Variants in NRXN3 observed in about 807,000 individuals in gnomAD.
NRXN3 encodes neurexin 3.
In NRXN3, 32 loss-of-function variants were observed where a neutral mutation model predicts 137.6. That is an observed-to-expected ratio of 0.23 (90% CI 0.18 to 0.31). NRXN3 has a LOEUF of 0.31. Among genes scored for constraint, NRXN3 ranks in the 10% least tolerant of loss-of-function variants. The pLI, the probability that NRXN3 is intolerant of heterozygous loss-of-function variation, is 1.00. For synonymous variants in NRXN3, 798 were observed against 784.5 expected, an observed-to-expected ratio of 1.02 and a Z score of -0.29; for missense variants, 1,574 against 2,062.5, an observed-to-expected ratio of 0.76 and a Z score of 4.59.
chr14:79,318,539 T>C (rs1056752262), intron 15 of NRXN3, among the ~76,000 whole-genome samples: 16 of 152,252 alleles, frequency 1.1e-4, no homozygotes, highest in African/African-American at 3.9e-4. Context: ...ACCAAGATTC[T>C]AGAACGAAGT....
intron 16 of NRXN3, chr14:79,611,301 A>G (rs2098095826): frequency 6.6e-6 from 1 of 152,246 alleles, no homozygotes; most frequent in Non-Finnish European, 1.5e-5. Context: ...AAAACTAACC[A>G]AAGAGACACG....
At chr14:79,535,773 A>C (rs960064126) in intron 16 of NRXN3, among the ~76,000 whole-genome samples, 11 of 151,988 alleles carry the variant, frequency 7.2e-5, no homozygotes, top group Non-Finnish European at 1.3e-4. Flanking sequence ...GATTTAACAC[A>C]CCCTAGGTTT....
At chr14:79,134,744 T>A (rs541645141) in intron 15 of NRXN3, among the ~76,000 whole-genome samples, 1 of 152,352 alleles carries the variant, frequency 6.6e-6, no homozygotes, top group South Asian at 2.1e-4. Context: ...ATTTTAGAGA[T>A]AATTCAGCTG....
chr14:79,775,901 C>T (rs1308795839), intron 19 of NRXN3, among the ~76,000 whole-genome samples: 1 of 152,198 alleles, frequency 6.6e-6, no homozygotes, highest in East Asian at 1.9e-4. Flanking sequence ...ACAATACCCT[C>T]ACATAACTTG....
intron 15 of NRXN3, among the ~76,000 whole-genome samples, chr14:79,078,804 T>G (rs1164374627): frequency 2.6e-5 from 4 of 152,150 alleles, no homozygotes; most frequent in Non-Finnish European, 5.9e-5. Context: ...TGCTGCACGT[T>G]AGGTAAATTC....
At chr14:78,375,257 CTT>C (rs1356118109) in intron 4 of NRXN3, among the ~76,000 whole-genome samples, 1 of 152,210 alleles carries the variant, frequency 6.6e-6, no homozygotes, top group Non-Finnish European at 1.5e-5. Flanking sequence ...GTAGGAAAAA[CTT>C]TGCCTCTTTG....
intron 4 of NRXN3, among the ~76,000 whole-genome samples, chr14:78,429,107 G>A (rs1439974184): frequency 1.3e-5 from 2 of 151,786 alleles, no homozygotes; most frequent in Non-Finnish European, 2.9e-5. Context: ...ACAGAGTCTT[G>A]CTCTGTCACC....
chr14:79,283,764 C>A (rs1364690806), intron 15 of NRXN3, among the ~76,000 whole-genome samples: 1 of 151,906 alleles, frequency 6.6e-6, no homozygotes, highest in Non-Finnish European at 1.5e-5. Context: ...GTTCACCAGT[C>A]AGTCAATACT....
At chr14:79,384,986 T>C (rs1162435018) in intron 15 of NRXN3, among the ~76,000 whole-genome samples, 2 of 152,224 alleles carry the variant, frequency 1.3e-5, no homozygotes, top group African/African-American at 2.4e-5. Context: ...TAGAAATTGC[T>C]CTACCTCTGT....
At chr14:79,213,390 G>A (rs750293475) in intron 15 of NRXN3, among the ~76,000 whole-genome samples, 28 of 152,106 alleles carry the variant, frequency 1.8e-4, no homozygotes, top group Non-Finnish European at 3.2e-4. Context: ...AATTTGTCAT[G>A]CTCATGAAAT....
chr14:79,288,249 A>C (rs919690116), intron 15 of NRXN3, among the ~76,000 whole-genome samples: 2 of 152,254 alleles, frequency 1.3e-5, no homozygotes, highest in Non-Finnish European at 2.9e-5. Context: ...GATGGGAAGA[A>C]TGCAGCTTTC....
chr14:79,314,534 C>A (rs528571476), intron 15 of NRXN3, among the ~76,000 whole-genome samples: 68 of 40,986 alleles, frequency 1.7e-3, no homozygotes, highest in African/African-American at 6.4e-3. Flanking sequence ...ACAAAGCAGC[C>A]GGGAAGCTCG....
chr14:79,186,827 CG>C (rs2063594384), intron 15 of NRXN3, among the ~76,000 whole-genome samples: 1 of 152,030 alleles, frequency 6.6e-6, no homozygotes, highest in Non-Finnish European at 1.5e-5. Flanking sequence ...GGCAAAGATA[CG>C]GGTCAAACAT....
chr14:78,741,406 C>T (rs527807084), intron 8 of NRXN3, among the ~76,000 whole-genome samples: 1 of 152,288 alleles, frequency 6.6e-6, no homozygotes, highest in Non-Finnish European at 1.5e-5. Flanking sequence ...GAAAACCTCA[C>T]CAGCATTGCA....
chr14:78,676,302 G>A (rs1256225833), intron 6 of NRXN3, among the ~76,000 whole-genome samples: 4 of 152,154 alleles, frequency 2.6e-5, no homozygotes, highest in African/African-American at 9.7e-5. Context: ...TAGCCAAGCT[G>A]TAAAGGCAAA....
intron 15 of NRXN3, among the ~76,000 whole-genome samples, chr14:79,219,831 A>G (rs993069416): frequency 5.9e-5 from 9 of 152,206 alleles, no homozygotes; most frequent in Non-Finnish European, 1.0e-4. Flanking sequence ...AATTAGTTTA[A>G]TGATGCTATA....
intron 16 of NRXN3, among the ~76,000 whole-genome samples, chr14:79,652,792 A>G (rs775760095): frequency 6.6e-6 from 1 of 151,858 alleles, no homozygotes; most frequent in Non-Finnish European, 1.5e-5. Context: ...TCTCCCCTAC[A>G]GAGGCTTTGA....
intron 4 of NRXN3, among the ~76,000 whole-genome samples, chr14:78,359,899 C>A (rs1320467746): frequency 2.0e-5 from 3 of 152,218 alleles, no homozygotes; most frequent in African/African-American, 7.2e-5. Context: ...TTCTCCAGAA[C>A]CTTATTCTGT....
chr14:78,726,364 A>C (rs2098483435), intron 8 of NRXN3, among the ~76,000 whole-genome samples: 1 of 151,734 alleles, frequency 6.6e-6, no homozygotes, highest in Non-Finnish European at 1.5e-5. Context: ...TAACAGGCCC[A>C]GTGTGTGATG....
Sources: gnomAD v4.1 joint callset for allele counts (sites outside exome capture counted in the v4.1 genomes callset) on GRCh38, gnomAD v4.1.1 for gene constraint, MANE v1.5 for transcripts, NCBI Gene and HGNC (gene_info 2026-07-23, HGNC 2026-07-21) for gene names.